The following OVCH1 variants were observed in gnomAD, a reference collection of about 807,000 sequenced individuals.
OVCH1 encodes ovochymase-1.
OVCH1 carries 139 observed loss-of-function variants against 138.4 expected under a neutral mutation model. The observed-to-expected ratio is 1.00, with a 90% CI of 0.87 to 1.16. The LOEUF is 1.16. Among genes scored for constraint, OVCH1 ranks in the 50% most tolerant of loss-of-function variants. The pLI, the probability that OVCH1 is intolerant of heterozygous loss-of-function variation, is 0.00. For synonymous variants in OVCH1, 453 were observed against 467.8 expected (o/e 0.97, Z 0.41); for missense variants, 1,367 against 1,357.9 (o/e 1.01, Z -0.11).
intron 27 of OVCH1, chr12:29,427,716 G>A: frequency 6.6e-7 from 1 of 1,519,578 alleles, no homozygotes; most frequent in Admixed American, 2.0e-5. Context: ...AGCTTGAATG[G>A]GGTGATAGCC....
exon 26 of OVCH1, chr12:29,439,385 T>G: frequency 6.4e-7 from 1 of 1,564,878 alleles, no homozygotes; most frequent in Non-Finnish European, 8.7e-7. Context: ...GTTTTTCTCT[T>G]TTTAATATGT....
At chr12:29,482,831 G>A (rs1942976912) in intron 8 of OVCH1, among the ~76,000 whole-genome samples, 1 of 152,164 alleles carries the variant, frequency 6.6e-6, no homozygotes. Flanking sequence ...CTGTGTTTGA[G>A]GGTAAGTAGG....
chr12:29,496,395 T>C, intron 2 of OVCH1, 117 bp from the exon 3 acceptor site: 1 of 1,164,742 alleles, frequency 8.6e-7, no homozygotes, highest in Non-Finnish European at 1.2e-6. Context: ...AATACCGACA[T>C]AAATTGGATA....
chr12:29,428,873 T>TC (rs1169979391), intron 27 of OVCH1, among the ~76,000 whole-genome samples: 1 of 152,218 alleles, frequency 6.6e-6, no homozygotes, highest in Non-Finnish European at 1.5e-5. Flanking sequence ...AGTTTCCCTC[T>TC]ATGAGTCAGT....
chr12:29,487,994 A>C, intron 6 of OVCH1, 112 bp from the exon 7 acceptor site: 2 of 1,010,810 alleles, frequency 2.0e-6, no homozygotes, highest in East Asian at 5.3e-5. Context: ...AGAGGCAAAG[A>C]AGTCCACTAG....
chr12:29,484,367 C>T (rs1297139248), intron 8 of OVCH1, among the ~76,000 whole-genome samples: 2 of 152,108 alleles, frequency 1.3e-5, no homozygotes, highest in Non-Finnish European at 2.9e-5. Flanking sequence ...TGAACACATC[C>T]GTTCAAGTAA....
downstream of OVCH1, among the ~76,000 whole-genome samples, chr12:29,426,725 GATCT>G (rs1941185092): frequency 6.6e-6 from 1 of 152,050 alleles, no homozygotes. Flanking sequence ...TCTATCTCCA[GATCT>G]GTCTACTTCA....
At chr12:29,415,826 A>G (rs1242579630) in intron 3 of OVCH1, among the ~76,000 whole-genome samples, 1 of 152,198 alleles carries the variant, frequency 6.6e-6, no homozygotes, top group African/African-American at 2.4e-5. Context: ...ACGAGAAAGC[A>G]CAGACCTTAG....
At chr12:29,443,522 G>A (rs1941540501) in intron 24 of OVCH1, 22 bp from the exon 25 acceptor site, 3 of 1,563,214 alleles carry the variant, frequency 1.9e-6, no homozygotes, top group Non-Finnish European at 2.6e-6. Flanking sequence ...ATGAAACAAA[G>A]TCAGAAATTA....
At chr12:29,436,786 T>G (rs137975967) in intron 26 of OVCH1, among the ~76,000 whole-genome samples, 12,305 of 152,214 alleles carry the variant, frequency 0.081, 499 homozygotes, top group African/African-American at 0.085. Flanking sequence ...CTCACTGACT[T>G]CAGGAGTGAA....
chr12:29,450,235 A>G (rs1941745612), intron 22 of OVCH1, among the ~76,000 whole-genome samples: 1 of 152,246 alleles, frequency 6.6e-6, no homozygotes, highest in Non-Finnish European at 1.5e-5. Context: ...GGCAACCTAC[A>G]GAATGGGAGA....
chr12:29,409,821 G>C (rs1940929581), downstream of OVCH1, among the ~76,000 whole-genome samples: 1 of 152,078 alleles, frequency 6.6e-6, no homozygotes, highest in African/African-American at 2.4e-5. Context: ...ATGTCTATGA[G>C]GTCTGCTTGG....
chr12:29,462,167 T>C (rs147815934), intron 18 of OVCH1, among the ~76,000 whole-genome samples, 159 bp from the exon 19 acceptor site: 2 of 152,350 alleles, frequency 1.3e-5, no homozygotes, highest in East Asian at 3.9e-4. Context: ...AATACAAGTG[T>C]TTCATGTAAC....
At chr12:29,477,118 T>A in exon 12 of OVCH1, 1 of 1,610,328 alleles carries the variant, frequency 6.2e-7, no homozygotes, top group South Asian at 1.1e-5. Context: ...AATGTGCTTC[T>A]CTGGAGCACA....
intron 8 of OVCH1, among the ~76,000 whole-genome samples, chr12:29,480,549 TGA>T (rs1230082527): frequency 6.6e-6 from 1 of 152,238 alleles, no homozygotes; most frequent in African/African-American, 2.4e-5. Context: ...TCAAGCTAAG[TGA>T]GAGAGGGGTC....
chr12:29,424,204 C>T (rs1037221308), downstream of OVCH1, among the ~76,000 whole-genome samples: 4 of 152,178 alleles, frequency 2.6e-5, no homozygotes, highest in South Asian at 4.2e-4. Context: ...AGGGATGGGC[C>T]GAAATAAAGG....
chr12:29,486,264 C>T, exon 8 of OVCH1: 1 of 1,613,410 alleles, frequency 6.2e-7, no homozygotes. Context: ...TCCTCTCTGG[C>T]TTCCATTCAC....
intron 25 of OVCH1, among the ~76,000 whole-genome samples, chr12:29,442,453 C>G (rs1164535608): frequency 5.1e-5 from 6 of 118,312 alleles, no homozygotes; most frequent in Non-Finnish European, 8.2e-5. Flanking sequence ...AGGGGAACAT[C>G]ACACTCTGTG....
At chr12:29,497,598 C>G in intron 1 of OVCH1, 25 bp downstream of exon 1, 1 of 1,613,070 alleles carries the variant, frequency 6.2e-7, no homozygotes. Context: ...CTCCGCAGTC[C>G]TGGTGCCCAG....
Sources: gnomAD v4.1 joint callset for allele counts (sites outside exome capture counted in the v4.1 genomes callset) on GRCh38, gnomAD v4.1.1 for gene constraint, MANE v1.5 for transcripts, NCBI Gene and HGNC (gene_info 2026-07-23, HGNC 2026-07-21) for gene names.